Variants in STK3 observed in about 807,000 individuals in gnomAD.
The protein encoded by STK3 is serine/threonine kinase 3, also known as serine/threonine-protein kinase 3.
Under a neutral mutation model 58.0 loss-of-function variants are expected in STK3, and 41 were observed. The observed-to-expected ratio is 0.71, with a 90% CI of 0.55 to 0.92. The LOEUF (loss-of-function observed/expected upper bound fraction) is 0.92, where lower values mean the gene tolerates loss of function less well. Ranked by LOEUF, STK3 falls within the 40% of genes least tolerant of loss-of-function variation. The pLI, the probability that STK3 is intolerant of heterozygous loss-of-function variation, is 0.00. For missense variants in STK3, 479 were observed against 602.7 expected (o/e 0.79, Z 2.15); for synonymous variants, 170 against 191.0 (o/e 0.89, Z 0.91).
At chr8:98,381,817 C>T (rs957160056) in intron 1 of STK3, among the ~76,000 whole-genome samples, 2 of 152,198 alleles carry the variant, frequency 1.3e-5, no homozygotes. Flanking sequence ...GGGGATGGTG[C>T]TTGCAGCAAA....
intron 6 of STK3, among the ~76,000 whole-genome samples, chr8:98,656,975 C>G (rs1347513116): frequency 6.6e-6 from 1 of 151,958 alleles, no homozygotes. Flanking sequence ...AAGAATTACT[C>G]TACGTAATAC....
At chr8:98,436,131 C>T (rs577331783) in intron 2 of STK3, among the ~76,000 whole-genome samples, 9 of 152,288 alleles carry the variant, frequency 5.9e-5, no homozygotes, top group African/African-American at 2.2e-4. Context: ...CCTCTAAGTC[C>T]TGGGAACTCC....
intron 3 of STK3, among the ~76,000 whole-genome samples, chr8:98,402,173 T>C (rs1817949715): frequency 6.6e-6 from 1 of 152,176 alleles, no homozygotes; most frequent in Non-Finnish European, 1.5e-5. Flanking sequence ...AGCATCCTCA[T>C]CACATCATTA....
At chr8:98,807,230 T>C (rs548551093) in intron 1 of STK3, among the ~76,000 whole-genome samples, 2 of 150,026 alleles carry the variant, frequency 1.3e-5, no homozygotes, top group South Asian at 2.1e-4. Flanking sequence ...GAGACAGTAA[T>C]CAAATATTTG....
intron 6 of STK3, among the ~76,000 whole-genome samples, chr8:98,637,069 T>G (rs1264412898): frequency 6.6e-6 from 1 of 151,878 alleles, no homozygotes; most frequent in East Asian, 1.9e-4. Context: ...TTTTTTTTTT[T>G]TTTTACAAAA....
chr8:98,839,268 T>A (rs1835872638), intron 3 of STK3, among the ~76,000 whole-genome samples: 1 of 152,106 alleles, frequency 6.6e-6, no homozygotes, highest in African/African-American at 2.4e-5. Flanking sequence ...CAGGCTGGTC[T>A]TGAACTCCTG....
Position 98,487,290 on chromosome 8 carries a change from G to T in STK3, c.1318-31290C>A, listed in dbSNP as rs539741903. Among the ~76,000 whole-genome samples the T allele has an allele frequency of 2.1e-3, 324 of 152,258 alleles. 3 individuals carry two copies. Among genetic ancestry groups the T allele is most frequent in the African/African-American group, 7.1e-3 (297 of 41,548 alleles). On this transcript the variant is annotated intron_variant, in intron 10 of 10. Coordinates refer to ENST00000419617, the MANE Select transcript of STK3 (RefSeq NM_006281.4). ...GCTGGGAGGATAAGGATTTGGCACT[G>T]GCACTAGGACAGAGGGGACTATGTT...
chr8:98,927,583 A>G (rs1174841691), intron 1 of STK3, among the ~76,000 whole-genome samples: 1 of 152,244 alleles, frequency 6.6e-6, no homozygotes, highest in African/African-American at 2.4e-5. Flanking sequence ...TGATAAGGTA[A>G]TGCTATTATT....
At chr8:98,555,219 G>T (rs1285324182) in intron 8 of STK3, among the ~76,000 whole-genome samples, 2 of 152,074 alleles carry the variant, frequency 1.3e-5, no homozygotes, top group Non-Finnish European at 2.9e-5. Context: ...CAGAGATTTT[G>T]CATTATCTAC....
At position 98,413,687 on chromosome 8, in the gene STK3, A is replaced by C. The variant is rs78708332; in HGVS notation, n.484-12174T>G. ...TGAGGAACTCTACAGTGTGCACCAC[A>C]AATTGGTTTAGAAAAGCCACCGTTC... On this transcript the variant is annotated intron_variant and non_coding_transcript_variant, in intron 3 of 3. Coordinates refer to the STK3 transcript ENST00000517832. 7.3e-5 allele frequency: 69 copies of C among 951,162 alleles called. No individual in the cohort carries two copies. The African/African-American group carries it at 1.1e-3, about 15-fold the overall frequency. The allele number at this position is 951,162 out of a possible 1,614,324, so 58.9% of individuals were successfully genotyped here.
chr8:98,520,478 T>C (rs1012476171), intron 10 of STK3, among the ~76,000 whole-genome samples: 1 of 152,144 alleles, frequency 6.6e-6, no homozygotes, highest in Non-Finnish European at 1.5e-5. Flanking sequence ...AGCAGGTGCC[T>C]TTCCGAATAA....
At chr8:98,696,803 T>TTTA (rs1294784938) in intron 6 of STK3, among the ~76,000 whole-genome samples, 1 of 151,700 alleles carries the variant, frequency 6.6e-6, no homozygotes, top group African/African-American at 2.4e-5. Context: ...ATCAAGGATA[T>TTTA]TGGTCTAAAA....
intron 6 of STK3, chr8:98,598,632 C>G: frequency 1.0e-6 from 1 of 985,268 alleles, no homozygotes; most frequent in Non-Finnish European, 1.2e-6. Context: ...TATTAGGCCC[C>G]TTCTATAGAA....
chr8:98,362,602 T>C, the STK3 span, among the ~76,000 whole-genome samples: 4 of 152,182 alleles, frequency 2.6e-5, no homozygotes, highest in African/African-American at 9.7e-5. Flanking sequence ...CCGAGGTGGA[T>C]TGCCAGGAAT....
At chr8:98,493,711 G>C (rs930155758) in intron 10 of STK3, among the ~76,000 whole-genome samples, 4 of 152,092 alleles carry the variant, frequency 2.6e-5, no homozygotes, top group Non-Finnish European at 5.9e-5. Context: ...CTCTAGCCCA[G>C]ATCTCTGTGG....
chr8:98,941,890 A>T (rs1369805092), intron 1 of STK3, among the ~76,000 whole-genome samples: 6 of 152,252 alleles, frequency 3.9e-5, no homozygotes, highest in Non-Finnish European at 8.8e-5. Flanking sequence ...GGGTCAGCGG[A>T]AATTTCAGAG....
chr8:98,539,920 A>G (rs1326555543), intron 9 of STK3, among the ~76,000 whole-genome samples: 1 of 152,018 alleles, frequency 6.6e-6, no homozygotes, highest in East Asian at 1.9e-4. Flanking sequence ...TGCCCAGCTA[A>G]TTTTTGTATT....
chr8:98,859,867 T>C (rs774923689), intron 3 of STK3, among the ~76,000 whole-genome samples: 37 of 152,204 alleles, frequency 2.4e-4, no homozygotes, highest in Admixed American at 8.5e-4. Flanking sequence ...AAAGGCACTC[T>C]GCTGGGTTTA....
At chr8:98,764,439 T>A (rs1003692939) in intron 3 of STK3, among the ~76,000 whole-genome samples, 1 of 152,078 alleles carries the variant, frequency 6.6e-6, no homozygotes, top group Admixed American at 6.5e-5. Flanking sequence ...CCTTAAGGAA[T>A]GAAGAGAAGA....
Sources: gnomAD v4.1 joint callset for allele counts (sites outside exome capture counted in the v4.1 genomes callset) on GRCh38, gnomAD v4.1.1 for gene constraint, MANE v1.5 for transcripts, NCBI Gene and HGNC (gene_info 2026-07-23, HGNC 2026-07-21) for gene names.